LRPPRC: variants seen among roughly 807,000 people sequenced by gnomAD.
The protein encoded by LRPPRC is leucine rich pentatricopeptide repeat containing.
A neutral mutation model predicts 180.3 loss-of-function variants in LRPPRC; 120 were observed. The ratio of observed to expected loss-of-function variants is 0.67; its 90% CI spans 0.57 to 0.77. The LOEUF is 0.77. Ranked by LOEUF, LRPPRC falls within the 30% of genes least tolerant of loss-of-function variation. The pLI is 0.00. For synonymous variants in LRPPRC, 723 were observed against 600.0 expected, an observed-to-expected ratio of 1.21 and a Z score of -3.00; for missense variants, 2,012 against 1,657.2, an observed-to-expected ratio of 1.21 and a Z score of -3.72.
intron 5 of LRPPRC, 68 bp downstream of exon 5, chr2:43,976,926 G>C (rs1419661579): frequency 1.6e-6 from 2 of 1,289,724 alleles, no homozygotes; most frequent in Non-Finnish European, 2.3e-6. Flanking sequence ...AAAACAAAGA[G>C]TGAACAGACA....
chr2:43,943,638 C>G (rs957809896), intron 23 of LRPPRC, 49 bp downstream of exon 23: 3 of 1,456,708 alleles, frequency 2.1e-6, no homozygotes, highest in Non-Finnish European at 2.9e-6. Flanking sequence ...AATTATTAGA[C>G]TCATTCTTTT....
intron 1 of LRPPRC, among the ~76,000 whole-genome samples, chr2:43,987,257 A>T (rs914781775): frequency 1.4e-4 from 21 of 152,042 alleles, no homozygotes; most frequent in Admixed American, 1.1e-3. Flanking sequence ...CACTTAGGGG[A>T]GGCCGAGGCG....
At chr2:43,898,971 C>A (rs1228720566) in intron 34 of LRPPRC, among the ~76,000 whole-genome samples, 1 of 152,140 alleles carries the variant, frequency 6.6e-6, no homozygotes, top group African/African-American at 2.4e-5. Context: ...ACCCCCGCAC[C>A]ACCCGCCGCT....
rs1046180129 is a variant in LRPPRC, at chr2:43,918,463, T to A, written c.2897-65A>T. ...GCTAAACAGAATACACAAAAATATT[T>A]AGAACTTTTTCTTATTTGATGTTGA... On this transcript the variant is annotated intron_variant, in intron 27 of 37. Coordinates refer to ENST00000260665, the MANE Select transcript of LRPPRC (RefSeq NM_133259.4). 6 of 1,189,382 alleles carry A rather than the reference T, an allele frequency of 5.0e-6. No homozygotes were observed. The Admixed American group carries it at 5.3e-5, about 10-fold the overall frequency. The allele number at this position is 1,189,382 out of a possible 1,614,324, so 73.7% of individuals were successfully genotyped here.
At chr2:43,978,390 C>A (rs1674151058) in intron 3 of LRPPRC, among the ~76,000 whole-genome samples, 1 of 152,112 alleles carries the variant, frequency 6.6e-6, no homozygotes, top group Non-Finnish European at 1.5e-5. Context: ...CCTTATAAAG[C>A]AGACACTTAT....
chr2:43,966,335 G>A (rs1161888583), intron 11 of LRPPRC, among the ~76,000 whole-genome samples: 1 of 151,914 alleles, frequency 6.6e-6, no homozygotes, highest in Non-Finnish European at 1.5e-5. Flanking sequence ...TCAGTTATAC[G>A]GTAAATAAGT....
intron 29 of LRPPRC, among the ~76,000 whole-genome samples, chr2:43,916,295 A>G (rs1410242242): frequency 6.6e-6 from 1 of 152,234 alleles, no homozygotes; most frequent in Non-Finnish European, 1.5e-5. Flanking sequence ...AATAAGAGTA[A>G]TATATGATTC....
intron 31 of LRPPRC, chr2:43,902,370 C>T (rs1000442696): frequency 6.6e-6 from 1 of 152,122 alleles, no homozygotes; most frequent in African/African-American, 2.4e-5. Flanking sequence ...CTAACAATCA[C>T]CCCTACCATT....
intron 1 of LRPPRC, among the ~76,000 whole-genome samples, chr2:43,993,264 TG>T (rs1462661335): frequency 6.6e-6 from 1 of 152,246 alleles, no homozygotes; most frequent in Non-Finnish European, 1.5e-5. Context: ...AATGGCTCTC[TG>T]GTTGACATAA....
chr2:43,983,392 A>G (rs1030337845), intron 1 of LRPPRC, among the ~76,000 whole-genome samples: 3 of 152,134 alleles, frequency 2.0e-5, no homozygotes, highest in African/African-American at 7.2e-5. Flanking sequence ...TCGTGCATTA[A>G]GTAGAGTTCC....
chr2:43,988,556 C>T (rs909667921), intron 1 of LRPPRC, among the ~76,000 whole-genome samples: 1 of 152,150 alleles, frequency 6.6e-6, no homozygotes, highest in East Asian at 1.9e-4. Context: ...AAAAGAGACG[C>T]CACTGCTCAA....
At chr2:43,925,038 A>G in intron 27 of LRPPRC, 29 bp downstream of exon 27, 1 of 1,232,842 alleles carries the variant, frequency 8.1e-7, no homozygotes, top group Non-Finnish European at 1.2e-6. Context: ...AGAATAAATG[A>G]AAGCGTGAAG....
In LRPPRC at chr2:43,899,558, G is replaced by A. The variant is rs147257615; in HGVS notation, c.3617C>T (p.Ser1206Leu). ...AIENIENMLT[S>L]ENKVIEPQYF... ...TTGGGGTTCAATGACTTTATTCTCT[G>A]AAGTAAGCATATTTTCAATGTTTTC... Residue 1206 changes from serine to leucine, a missense_variant, in exon 33 of 38, where the codon TCA (serine) becomes TTA (leucine). Transcript: ENST00000260665. The A allele has an allele frequency of 7.9e-5, 127 of 1,609,860 alleles. No individual in the cohort carries two copies. In the African/African-American group the frequency reaches 1.3e-3, roughly 17 times the overall value.
At chr2:43,947,952 A>G (rs551974851) in intron 18 of LRPPRC, among the ~76,000 whole-genome samples, 170 bp downstream of exon 18, 1 of 152,238 alleles carries the variant, frequency 6.6e-6, no homozygotes, top group East Asian at 1.9e-4. Flanking sequence ...AAATATATTT[A>G]TGAATATATA....
intron 1 of LRPPRC, among the ~76,000 whole-genome samples, 157 bp from the exon 2 acceptor site, chr2:43,982,591 A>G (rs576682888): frequency 2.0e-5 from 3 of 152,370 alleles, no homozygotes; most frequent in East Asian, 1.9e-4. Context: ...AGAAAGTTTT[A>G]GCTTTTACTT....
rs769417901 is a variant in LRPPRC, at chr2:43,889,794, T to C, written c.4068A>G (p.Leu1356=). 1.2e-6 allele frequency: 2 copies of C among 1,611,292 alleles called. No individual in the cohort carries two copies. The highest frequency in any genetic ancestry group is 2.2e-5 in the South Asian group (2 of 91,026). ...AKNTKLDDLF[L]KRYASLLKYA... ...ACTTCAGCAAAGATGCGTAACGCTT[T>C]AGAAACAGATCATCCAATTTTGTAT... Residue 1356 remains leucine, a synonymous_variant, in exon 37 of 38, where the codon CTA becomes CTG. Transcript: ENST00000260665.
chr2:43,973,032 T>A (rs1348398572), intron 11 of LRPPRC, among the ~76,000 whole-genome samples: 13 of 152,192 alleles, frequency 8.5e-5, no homozygotes, highest in Non-Finnish European at 5.9e-5. Flanking sequence ...AGACATCCCA[T>A]GTGTACAAGG....
intron 23 of LRPPRC, among the ~76,000 whole-genome samples, chr2:43,942,307 T>C (rs150331115): frequency 6.6e-6 from 1 of 152,328 alleles, no homozygotes; most frequent in Admixed American, 6.5e-5. Context: ...GAGTTGCACA[T>C]GCAATTTGCA....
chr2:43,990,112 G>A (rs57581148), intron 1 of LRPPRC, among the ~76,000 whole-genome samples: 30,847 of 152,068 alleles, frequency 0.2, 3,899 homozygotes, highest in African/African-American at 0.35. Flanking sequence ...CCAGCTACTT[G>A]GGAGGCTGAG....
Sources: allele counts gnomAD v4.1 joint callset (sites outside exome capture counted in the v4.1 genomes callset), GRCh38; gene constraint gnomAD v4.1.1; transcripts MANE v1.5; gene names NCBI Gene and HGNC (gene_info 2026-07-23, HGNC 2026-07-21).